Variants in NPAS3 observed in about 807,000 individuals in gnomAD.
NPAS3 encodes neuronal PAS domain protein 3, also known as neuronal PAS domain-containing protein 3.
NPAS3 carries 14 observed loss-of-function variants against 73.1 expected under a neutral mutation model. The ratio of observed to expected loss-of-function variants is 0.19; its 90% CI spans 0.13 to 0.30. The LOEUF (loss-of-function observed/expected upper bound fraction) is 0.30. Ranked by LOEUF, NPAS3 falls within the 10% of genes least tolerant of loss-of-function variation. The pLI is 1.00. For synonymous variants in NPAS3, 620 were observed against 541.5 expected (o/e 1.14, Z -2.01); for missense variants, 1,096 against 1,250.0 (o/e 0.88, Z 1.86).
chr14:33,035,746 T>C (rs976715115), intron 1 of NPAS3, among the ~76,000 whole-genome samples: 1 of 152,190 alleles, frequency 6.6e-6, no homozygotes, highest in Admixed American at 6.5e-5. Flanking sequence ...AGACTTTCCA[T>C]TGACATGAGT....
At chr14:33,033,713 C>T (rs1317950229) in intron 1 of NPAS3, among the ~76,000 whole-genome samples, 1 of 152,130 alleles carries the variant, frequency 6.6e-6, no homozygotes, top group Non-Finnish European at 1.5e-5. Context: ...TATTTGCATT[C>T]CACAGCTATA....
chr14:33,324,715 A>G (rs1273732268), intron 3 of NPAS3, among the ~76,000 whole-genome samples: 4 of 152,190 alleles, frequency 2.6e-5, no homozygotes, highest in African/African-American at 9.6e-5. Flanking sequence ...TTTATGGAGT[A>G]GTATATATGG....
chr14:33,734,173 C>T (rs8011294), intron 6 of NPAS3, among the ~76,000 whole-genome samples: 8,746 of 152,032 alleles, frequency 0.058, 489 homozygotes, highest in African/African-American at 0.14. Context: ...TACGACTACT[C>T]GAAAGAAATC....
intron 1 of NPAS3, among the ~76,000 whole-genome samples, chr14:32,964,983 G>A (rs1024743084): frequency 1.3e-5 from 2 of 152,084 alleles, no homozygotes; most frequent in African/African-American, 4.8e-5. Context: ...AACACAAAAA[G>A]AAAGAAATGG....
chr14:33,264,368 A>C (rs915188854), intron 3 of NPAS3, among the ~76,000 whole-genome samples: 1 of 152,110 alleles, frequency 6.6e-6, no homozygotes, highest in African/African-American at 2.4e-5. Flanking sequence ...ACATGTATAC[A>C]TATGTAAAAA....
intron 3 of NPAS3, among the ~76,000 whole-genome samples, chr14:33,294,442 T>G (rs1594621362): frequency 6.6e-6 from 1 of 152,212 alleles, no homozygotes; most frequent in Admixed American, 6.5e-5. Flanking sequence ...ATTTTTGGTC[T>G]TATTGCTTTG....
At chr14:33,315,203 C>A (rs980494304) in intron 3 of NPAS3, among the ~76,000 whole-genome samples, 3 of 151,976 alleles carry the variant, frequency 2.0e-5, no homozygotes, top group African/African-American at 7.2e-5. Flanking sequence ...CTCAGGGAGC[C>A]AGCAAACAAA....
At chr14:33,148,985 C>T (rs117633023) in intron 2 of NPAS3, among the ~76,000 whole-genome samples, 1,947 of 152,252 alleles carry the variant, frequency 0.013, 16 homozygotes, top group Non-Finnish European at 0.019. Context: ...CGCGAGCCAC[C>T]GGGCCTGGCC....
At chr14:33,333,173 G>A (rs142024897) in intron 3 of NPAS3, among the ~76,000 whole-genome samples, 2,027 of 152,284 alleles carry the variant, frequency 0.013, 42 homozygotes, top group African/African-American at 0.046. Context: ...TTCACTATTT[G>A]AAGTGCAAAC....
At chr14:33,234,786 C>A (rs965867329) in intron 3 of NPAS3, among the ~76,000 whole-genome samples, 16 of 151,966 alleles carry the variant, frequency 1.1e-4, no homozygotes, top group African/African-American at 3.9e-4. Context: ...ACAGTAAATT[C>A]CAGTAGACTT....
At chr14:33,075,957 T>A (rs961366149) in intron 2 of NPAS3, among the ~76,000 whole-genome samples, 1 of 152,226 alleles carries the variant, frequency 6.6e-6, no homozygotes, top group African/African-American at 2.4e-5. Flanking sequence ...ACAATTAGAA[T>A]TGGCCTTTAA....
intron 3 of NPAS3, among the ~76,000 whole-genome samples, chr14:33,325,801 C>A (rs1045033412): frequency 1.5e-4 from 22 of 151,386 alleles, no homozygotes; most frequent in Admixed American, 1.4e-3. Flanking sequence ...CACTTTCCAG[C>A]CTCTGGTAAC....
chr14:33,068,417 T>C (rs2041356520), intron 2 of NPAS3, among the ~76,000 whole-genome samples: 1 of 152,220 alleles, frequency 6.6e-6, no homozygotes, highest in South Asian at 2.1e-4. Context: ...TCTAACCTTG[T>C]TTTATCCACA....
intron 1 of NPAS3, among the ~76,000 whole-genome samples, chr14:32,948,782 C>G (rs1284095134): frequency 1.3e-5 from 2 of 152,102 alleles, no homozygotes; most frequent in Non-Finnish European, 2.9e-5. Context: ...CAGCCCCTCT[C>G]CATTCCTCAT....
chr14:33,261,377 G>A (rs1355420798), intron 3 of NPAS3, among the ~76,000 whole-genome samples: 3 of 151,678 alleles, frequency 2.0e-5, no homozygotes, highest in Admixed American at 6.6e-5. Flanking sequence ...TTGTCAAATT[G>A]GTGTTAGGAA....
chr14:33,627,549 G>T (rs189165821), intron 5 of NPAS3, among the ~76,000 whole-genome samples: 15 of 152,248 alleles, frequency 9.9e-5, no homozygotes, highest in Non-Finnish European at 1.8e-4. Flanking sequence ...GACTTTTCAG[G>T]TTTTCTTAGA....
chr14:33,722,809 C>G (rs2061153478), intron 6 of NPAS3, among the ~76,000 whole-genome samples: 1 of 151,974 alleles, frequency 6.6e-6, no homozygotes, highest in Non-Finnish European at 1.5e-5. Context: ...AATAAATAAC[C>G]CTCAATTCTT....
chr14:33,432,856 G>A (rs755495561), intron 4 of NPAS3, among the ~76,000 whole-genome samples: 16 of 152,108 alleles, frequency 1.1e-4, no homozygotes, highest in South Asian at 2.1e-4. Flanking sequence ...TGAGATAATC[G>A]TACTAAATGA....
At chr14:33,282,482 C>T (rs749592067) in intron 3 of NPAS3, among the ~76,000 whole-genome samples, 3 of 152,134 alleles carry the variant, frequency 2.0e-5, no homozygotes, top group Admixed American at 6.6e-5. Flanking sequence ...TGATTGCAGC[C>T]CTTCTGGGAG....
Sources: gnomAD v4.1 joint callset for allele counts (sites outside exome capture counted in the v4.1 genomes callset) on GRCh38, gnomAD v4.1.1 for gene constraint, MANE v1.5 for transcripts, NCBI Gene and HGNC (gene_info 2026-07-23, HGNC 2026-07-21) for gene names.